TRIM34: variants seen among roughly 807,000 people sequenced by gnomAD.
The protein encoded by TRIM34 is E3 ubiquitin-protein ligase TRIM34.
Under a neutral mutation model 38.1 loss-of-function variants are expected in TRIM34, and 41 were observed. The observed-to-expected ratio is 1.08, with a 90% CI of 0.84 to 1.40. The LOEUF (loss-of-function observed/expected upper bound fraction) is 1.40, where lower values mean the gene tolerates loss of function less well. TRIM34 is among the 40% of genes most tolerant of loss of function. The pLI is 0.00. For missense variants in TRIM34, 556 were observed against 571.4 expected (o/e 0.97, Z 0.27); for synonymous variants, 200 against 202.5 (o/e 0.99, Z 0.10).
intron 4 of TRIM34, among the ~76,000 whole-genome samples, chr11:5,637,458 G>A (rs1163130578): frequency 1.3e-5 from 2 of 152,200 alleles, no homozygotes; most frequent in African/African-American, 4.8e-5. Flanking sequence ...TTATAAAGGA[G>A]ATACTTTGAT....
At chr11:5,623,327 C>T (rs1849061971), upstream of TRIM34, among the ~76,000 whole-genome samples, 1 of 151,404 alleles carries the variant, frequency 6.6e-6, no homozygotes, top group African/African-American at 2.4e-5. Flanking sequence ...AAAGTAATTG[C>T]GGTTCTTGCT....
chr11:5,629,985 G>C lies in TRIM34; in HGVS notation c.-77-2270G>C, dbSNP rs533076498. Among the ~76,000 whole-genome samples the C allele has an allele frequency of 1.1e-4, 16 of 152,150 alleles. No homozygotes were observed. In the South Asian group the frequency reaches 3.1e-3, roughly 30 times the overall value. ...CCTCCCAAAGTGCTGAGATTACAGG[G>C]GTGAGCCACCGCGCCCGGCCTCAGT... On this transcript the variant is annotated intron_variant, in intron 1 of 7. Coordinates refer to ENST00000429814, the MANE Select transcript of TRIM34 (RefSeq NM_021616.6).
intron 1 of TRIM34, among the ~76,000 whole-genome samples, chr11:5,626,291 A>C (rs1849226763): frequency 6.6e-6 from 1 of 152,238 alleles, no homozygotes; most frequent in African/African-American, 2.4e-5. Flanking sequence ...ACATCCAAAT[A>C]GAAAGTGATC....
chr11:5,632,519 A>T lies in TRIM34; in HGVS notation c.188A>T (p.Tyr63Phe), dbSNP rs1222508436. 6.2e-7 allele frequency: 1 copy of T among 1,613,792 alleles called. No homozygotes were observed. The highest frequency in any genetic ancestry group is 1.3e-5 in the African/African-American group (1 of 74,844). The change falls in exon 2 of 8, where the codon TAC becomes TTC. Residue 63 changes from tyrosine to phenylalanine, a missense_variant. Transcript: ENST00000429814. The part of the protein sequence containing the change: ...KSSCPVCGIS[Y>F]SFEHLQANQH... ...AGCTGTCCTGTGTGTGGTATCAGTT[A>T]CTCATTTGAACATCTACAGGCTAAT... is the stretch of plus-strand genomic sequence containing the variant.
At chr11:5,642,374 T>G (rs757527487) in intron 5 of TRIM34, 32 bp from the exon 6 acceptor site, 10 of 1,590,908 alleles carry the variant, frequency 6.3e-6, no homozygotes, top group Non-Finnish European at 7.7e-6. Flanking sequence ...GGATGAGAGA[T>G]GTGGGGGTCA....
chr11:5,634,594 C>A (rs759506249), intron 3 of TRIM34, 37 bp from the exon 4 acceptor site: 2 of 1,584,666 alleles, frequency 1.3e-6, no homozygotes, highest in South Asian at 1.1e-5. Context: ...CTTAGCCTGA[C>A]AAACTTACTA....
Position 5,631,244 on chromosome 11 carries a change from A to C in TRIM34, c.-77-1011A>C, listed in dbSNP as rs1325762188. 2.0e-5 allele frequency among the ~76,000 whole-genome samples: 3 copies of C among 152,156 alleles called. No homozygotes were observed. The East Asian group carries it at 5.8e-4, about 29-fold the overall frequency. ...ACACAAGACCCCCCCAGAAATTCCC[A>C]ACTTATGTGGTTTCCTCCATTTCTA... On this transcript the variant is annotated intron_variant, in intron 1 of 7. Transcript: ENST00000429814.
chr11:5,634,492 TACACACAC>T lies in TRIM34; in HGVS notation c.520-107_520-100del, dbSNP rs3060967. 738 of 227,974 alleles carry T rather than the reference TACACACAC, an allele frequency of 3.2e-3. 6 individuals carry two copies. The highest frequency in any genetic ancestry group is 0.012 in the African/African-American group (419 of 35,110). The allele number at this position is 227,974 out of a possible 1,614,324, so 14.1% of individuals were successfully genotyped here. A position where few individuals can be genotyped will look rare whatever the true frequency, so the allele number is the denominator to read the frequency against. On this transcript the variant is annotated intron_variant, in intron 3 of 7. Transcript: ENST00000429814. ...AATATATATATACAGATAATATAAA[TACACACAC>T]ACACACACACACACACACACACACA...
intron 4 of TRIM34, 86 bp downstream of exon 4, chr11:5,634,947 G>A (rs1849668743): frequency 1.4e-6 from 2 of 1,451,772 alleles, no homozygotes; most frequent in Non-Finnish European, 1.8e-6. Flanking sequence ...GACACTAAGG[G>A]GTTTCTTTGG....
upstream of TRIM34, among the ~76,000 whole-genome samples, chr11:5,620,833 G>A (rs1848968507): frequency 6.6e-6 from 1 of 152,172 alleles, no homozygotes; most frequent in Non-Finnish European, 1.5e-5. Context: ...TGCTCCTACA[G>A]TGAGATAGCA....
chr11:5,638,668 G>C (rs1034168693), intron 4 of TRIM34, among the ~76,000 whole-genome samples: 1 of 152,158 alleles, frequency 6.6e-6, no homozygotes, highest in Non-Finnish European at 1.5e-5. Flanking sequence ...TTGACAATAC[G>C]GCATAAGAAA....
chr11:5,636,139 G>A (rs886925583), intron 4 of TRIM34, among the ~76,000 whole-genome samples: 3 of 152,190 alleles, frequency 2.0e-5, no homozygotes, highest in African/African-American at 7.2e-5. Context: ...TCCTTAAACT[G>A]ATGATTGGAT....
chr11:5,622,272 T>C (rs1324613649), upstream of TRIM34, among the ~76,000 whole-genome samples: 1 of 151,986 alleles, frequency 6.6e-6, no homozygotes, highest in Non-Finnish European at 1.5e-5. Flanking sequence ...GGTGAAACCC[T>C]GCCTCTATTA....
At chr11:5,622,865 G>T (rs929754120), upstream of TRIM34, among the ~76,000 whole-genome samples, 4 of 152,156 alleles carry the variant, frequency 2.6e-5, no homozygotes, top group African/African-American at 4.8e-5. Context: ...GCCTCAGGAG[G>T]TCCTGACAAC....
At chr11:5,629,935 T>C (rs1338752622) in intron 1 of TRIM34, among the ~76,000 whole-genome samples, 1 of 152,136 alleles carries the variant, frequency 6.6e-6, no homozygotes, top group East Asian at 1.9e-4. Context: ...CTTGATCTCC[T>C]TACCTCGTGA....
At chr11:5,639,086 T>C (rs1271929493) in intron 4 of TRIM34, among the ~76,000 whole-genome samples, 2 of 152,182 alleles carry the variant, frequency 1.3e-5, no homozygotes, top group African/African-American at 4.8e-5. Context: ...ACAAGTTGTA[T>C]GTCTAAGAAT....
At chr11:5,641,442 T>C in intron 5 of TRIM34, 8 of 921,112 alleles carry the variant, frequency 8.7e-6, no homozygotes, top group Non-Finnish European at 1.2e-5. Flanking sequence ...GGATGAGAGC[T>C]TTTACTGTCA....
At chr11:5,636,446 G>A (rs765958041) in intron 4 of TRIM34, among the ~76,000 whole-genome samples, 2 of 152,120 alleles carry the variant, frequency 1.3e-5, no homozygotes, top group African/African-American at 2.4e-5. Flanking sequence ...GTGCAATGAC[G>A]GTTGCACTAC....
chr11:5,643,518 A>G lies in TRIM34; in HGVS notation c.1276A>G (p.Met426Val). ...TGATCCCGAGGTTTTGACTCTCTCCATGGCTGTGCCTCCCTGCCGTGTTGG... is the reference window on the plus strand; with the variant it reads ...TGATCCCGAGGTTTTGACTCTCTCCGTGGCTGTGCCTCCCTGCCGTGTTGG... ...SSDPEVLTLS[M>V]AVPPCRVGVF... The change falls in exon 8 of 8, where the codon ATG (methionine) becomes GTG (valine). Residue 426 changes from methionine to valine, a missense_variant. Transcript: ENST00000429814. The G allele has an allele frequency of 6.2e-7, 1 of 1,614,196 alleles. No individual in the cohort carries two copies. The highest frequency in any genetic ancestry group is 8.5e-7 in the Non-Finnish European group (1 of 1,180,030).
Sources: allele counts gnomAD v4.1 joint callset (sites outside exome capture counted in the v4.1 genomes callset), GRCh38; gene constraint gnomAD v4.1.1; transcripts MANE v1.5; gene names NCBI Gene and HGNC (gene_info 2026-07-23, HGNC 2026-07-21).